GABRG3: variants seen among roughly 807,000 people sequenced by gnomAD.
GABRG3 encodes the protein gamma-aminobutyric acid type A receptor subunit gamma3.
Under a neutral mutation model 48.8 loss-of-function variants are expected in GABRG3, and 25 were observed. The observed-to-expected ratio is 0.51, with a 90% CI of 0.37 to 0.72. The LOEUF is 0.72. Among genes scored for constraint, GABRG3 ranks in the 30% least tolerant of loss-of-function variants. The pLI is 0.00. For synonymous variants in GABRG3, 227 were observed against 217.6 expected (o/e 1.04, Z -0.38); for missense variants, 394 against 577.9 (o/e 0.68, Z 3.26).
At chr15:27,385,059 A>G (rs1450799017) in intron 5 of GABRG3, among the ~76,000 whole-genome samples, 1 of 152,184 alleles carries the variant, frequency 6.6e-6, no homozygotes, top group Non-Finnish European at 1.5e-5. Flanking sequence ...CTGCCCTTTC[A>G]TGCAGCAGGT....
intron 9 of GABRG3, among the ~76,000 whole-genome samples, chr15:27,528,544 G>A (rs569532042): frequency 6.6e-6 from 1 of 152,276 alleles, no homozygotes; most frequent in African/African-American, 2.4e-5. Flanking sequence ...GGAGCAGAAT[G>A]TTTGGGCAGA....
At position 26,974,943 on chromosome 15, in the gene GABRG3, G is replaced by A. The variant is rs986756441; in HGVS notation, c.54-2059G>A. ...GGCTGGAGTGCAGTGACACTATCTC[G>A]GCTCACTGCAACCTCTGCCTCCTGG... On this transcript the variant is annotated intron_variant, in intron 1 of 9. Transcript: ENST00000615808. This position sits in a 1 kb window ranked among gnomAD's most constrained non-coding sequence, Gnocchi z 4.3. Among the ~76,000 whole-genome samples, 15 of 150,078 alleles carry A rather than the reference G, an allele frequency of 1.0e-4. No individual in the cohort carries two copies. The highest frequency in any genetic ancestry group is 1.9e-4 in the Non-Finnish European group (13 of 67,710).
chr15:27,027,573 C>A (rs959317249), intron 3 of GABRG3, among the ~76,000 whole-genome samples: 13 of 152,176 alleles, frequency 8.5e-5, no homozygotes, highest in African/African-American at 3.1e-4. Context: ...ATGGAAATAA[C>A]CCCTCCAAAA....
At chr15:27,290,199 A>G (rs1413614480) in intron 3 of GABRG3, among the ~76,000 whole-genome samples, 1 of 152,218 alleles carries the variant, frequency 6.6e-6, no homozygotes, top group East Asian at 1.9e-4. Flanking sequence ...ATATTGGATT[A>G]TAAGCCAAAA....
chr15:27,154,676 T>G (rs978422333), intron 3 of GABRG3, among the ~76,000 whole-genome samples: 2 of 152,332 alleles, frequency 1.3e-5, no homozygotes, highest in Admixed American at 6.5e-5. Flanking sequence ...ATCCTTGGAA[T>G]AAACCCCGTG....
intron 2 of GABRG3, among the ~76,000 whole-genome samples, chr15:26,981,086 TAA>T (rs532131321): frequency 4.6e-5 from 7 of 152,132 alleles, no homozygotes; most frequent in Non-Finnish European, 8.8e-5. Context: ...AAAAGTTTTT[TAA>T]AAAAACAAGC....
chr15:27,288,779 G>A (rs1460787343), intron 3 of GABRG3, among the ~76,000 whole-genome samples: 1 of 151,752 alleles, frequency 6.6e-6, no homozygotes, highest in Non-Finnish European at 1.5e-5. Flanking sequence ...ATCCAGTTAT[G>A]TACCAGTTCT....
At chr15:27,400,497 CCTTTCA>C (rs1413465827) in intron 5 of GABRG3, among the ~76,000 whole-genome samples, 1 of 152,136 alleles carries the variant, frequency 6.6e-6, no homozygotes, top group African/African-American at 2.4e-5. Flanking sequence ...TTGATTAGTT[CCTTTCA>C]CTTTATTACT....
At chr15:27,212,951 G>C (rs908505719) in intron 3 of GABRG3, among the ~76,000 whole-genome samples, 1 of 152,154 alleles carries the variant, frequency 6.6e-6, no homozygotes, top group African/African-American at 2.4e-5. Flanking sequence ...CTACTGTATA[G>C]ATATACCACA....
At chr15:27,105,507 CAA>C (rs1897434261) in intron 3 of GABRG3, among the ~76,000 whole-genome samples, 1 of 152,056 alleles carries the variant, frequency 6.6e-6, no homozygotes, top group African/African-American at 2.4e-5. Context: ...TCTTGGGTCA[CAA>C]AACAAATCTC....
chr15:27,308,522 A>G (rs566460169), intron 3 of GABRG3, among the ~76,000 whole-genome samples: 4 of 147,988 alleles, frequency 2.7e-5, no homozygotes, highest in South Asian at 2.2e-4. Context: ...ATGTAAACAT[A>G]CATGTTTATA....
intron 8 of GABRG3, 101 bp from the exon 9 acceptor site, chr15:27,527,832 G>A (rs2150864989): frequency 1.9e-6 from 2 of 1,040,632 alleles, no homozygotes; most frequent in Non-Finnish European, 2.9e-6. Context: ...TACCGGTGAC[G>A]TGGCTTGGTT....
chr15:27,006,480 C>T (rs1895587515), intron 2 of GABRG3, among the ~76,000 whole-genome samples: 1 of 152,280 alleles, frequency 6.6e-6, no homozygotes, highest in East Asian at 1.9e-4. Flanking sequence ...GGATTACAGG[C>T]GTGAGCCACT....
intron 3 of GABRG3, among the ~76,000 whole-genome samples, chr15:27,053,884 A>G (rs1896495278): frequency 1.3e-5 from 2 of 152,238 alleles, no homozygotes; most frequent in African/African-American, 4.8e-5. Flanking sequence ...CAAAAATGAA[A>G]TACTGCATGT....
chr15:27,108,196 A>G (rs974814275), intron 3 of GABRG3, among the ~76,000 whole-genome samples: 1 of 152,082 alleles, frequency 6.6e-6, no homozygotes, highest in Non-Finnish European at 1.5e-5. Flanking sequence ...TAATGCTACC[A>G]GTTTTCCTCT....
intron 6 of GABRG3, chr15:27,481,084 A>C: frequency 8.6e-7 from 1 of 1,164,562 alleles, no homozygotes; most frequent in Non-Finnish European, 1.1e-6. Context: ...AATTTTGCTG[A>C]TGGGGAGAGT....
At chr15:27,139,501 A>G (rs1318983244) in intron 3 of GABRG3, among the ~76,000 whole-genome samples, 1 of 152,140 alleles carries the variant, frequency 6.6e-6, no homozygotes. Context: ...TCTTTCAGAA[A>G]CACCCTCACA....
intron 3 of GABRG3, among the ~76,000 whole-genome samples, chr15:27,202,218 T>C (rs1888706876): frequency 6.6e-6 from 1 of 152,236 alleles, no homozygotes; most frequent in Admixed American, 6.5e-5. Flanking sequence ...TATTTTTGTT[T>C]CCTTTTTATA....
intron 5 of GABRG3, among the ~76,000 whole-genome samples, chr15:27,388,844 T>C (rs1230797275): frequency 6.6e-6 from 1 of 151,744 alleles, no homozygotes; most frequent in Non-Finnish European, 1.5e-5. Context: ...GAAGAAGAGC[T>C]AAGAAATGAA....
Sources: gnomAD v4.1 joint callset for allele counts (sites outside exome capture counted in the v4.1 genomes callset) on GRCh38, gnomAD v4.1.1 for gene constraint, Gnocchi (gnomAD v3.1) non-coding constraint, MANE v1.5 for transcripts, NCBI Gene and HGNC (gene_info 2026-07-23, HGNC 2026-07-21) for gene names.